PHF21B: variants seen among roughly 807,000 people sequenced by gnomAD.
The protein encoded by PHF21B is PHD finger protein 4.
PHF21B carries 22 observed loss-of-function variants against 62.2 expected under a neutral mutation model. The observed-to-expected ratio is 0.35, with a 90% confidence interval of 0.25 to 0.51. The LOEUF (loss-of-function observed/expected upper bound fraction) is 0.51, where lower values mean the gene tolerates loss of function less well. PHF21B is among the 20% of genes least tolerant of loss of function. The pLI is 0.97. For synonymous variants in PHF21B, 341 were observed against 314.7 expected, an observed-to-expected ratio of 1.08 and a Z score of -0.88; for missense variants, 701 against 707.9, an observed-to-expected ratio of 0.99 and a Z score of 0.11.
At chr22:44,893,258 G>A (rs1028855030) in intron 7 of PHF21B, among the ~76,000 whole-genome samples, 199 bp downstream of exon 7, 5 of 152,174 alleles carry the variant, frequency 3.3e-5, no homozygotes, top group Non-Finnish European at 5.9e-5. Flanking sequence ...CTCCTCTTCC[G>A]CATCTTCCTA....
At chr22:44,933,572 G>A (rs1041789452) in intron 2 of PHF21B, 1 of 980,246 alleles carries the variant, frequency 1.0e-6, no homozygotes, top group South Asian at 4.7e-5. Context: ...CAACTCAACG[G>A]AAGTGCACGG....
intron 2 of PHF21B, chr22:44,989,363 T>C (rs1242220770): frequency 6.6e-6 from 1 of 152,164 alleles, no homozygotes; most frequent in Non-Finnish European, 1.5e-5. Flanking sequence ...GTGGGTGCCC[T>C]GGAAAAGGCC....
chr22:44,933,678 A>G (rs1368817319), intron 2 of PHF21B, among the ~76,000 whole-genome samples: 1 of 152,088 alleles, frequency 6.6e-6, no homozygotes, highest in African/African-American at 2.4e-5. Flanking sequence ...CATCTCCACC[A>G]TTCCAGGAGA....
At chr22:44,933,277 A>G (rs2147344255) in intron 2 of PHF21B, among the ~76,000 whole-genome samples, 1 of 152,056 alleles carries the variant, frequency 6.6e-6, no homozygotes, top group Non-Finnish European at 1.5e-5. Flanking sequence ...ACGCCTGGCT[A>G]ATTTTGTATT....
intron 2 of PHF21B, among the ~76,000 whole-genome samples, chr22:44,982,980 A>C (rs1345013073): frequency 6.6e-6 from 1 of 152,180 alleles, no homozygotes; most frequent in Non-Finnish European, 1.5e-5. Flanking sequence ...GCGGTGGCTC[A>C]TGCCTGTAAT....
chr22:44,950,575 GTTTTT>G (rs975377106), intron 2 of PHF21B, among the ~76,000 whole-genome samples: 2 of 147,034 alleles, frequency 1.4e-5, no homozygotes, highest in Non-Finnish European at 3.0e-5. Flanking sequence ...TCGTGTTCGT[GTTTTT>G]TTTTTTCTTT....
intron 2 of PHF21B, among the ~76,000 whole-genome samples, chr22:44,921,367 T>TCTC (rs945855164): frequency 2.4e-4 from 36 of 151,918 alleles, no homozygotes; most frequent in Non-Finnish European, 3.8e-4. Flanking sequence ...TTCTTTTTTT[T>TCTC]TTTCTTTTTT....
chr22:44,959,334 C>T lies in PHF21B; in HGVS notation c.121-38844G>A, dbSNP rs1039458797. Among the ~76,000 whole-genome samples, 125 of 152,328 alleles carry T rather than the reference C, an allele frequency of 8.2e-4. 1 individual carries two copies. Among genetic ancestry groups the T allele is most frequent in the Non-Finnish European group, 2.4e-4 (16 of 68,036 alleles). Reference sequence around the variant, plus strand: ...CACTTTGTGATTCACGCCTTAACTACGGGACTTATCACATTTCTGGGCCTC... The same window carrying T: ...CACTTTGTGATTCACGCCTTAACTATGGGACTTATCACATTTCTGGGCCTC... On this transcript the variant is annotated intron_variant, in intron 2 of 12. Transcript: ENST00000313237.
intron 2 of PHF21B, among the ~76,000 whole-genome samples, chr22:44,995,092 G>A (rs959894466): frequency 6.6e-6 from 1 of 152,242 alleles, no homozygotes; most frequent in Non-Finnish European, 1.5e-5. Flanking sequence ...CCTTGGGGAA[G>A]TGGGTGGGTA....
chr22:44,904,214 C>T (rs921937670), intron 5 of PHF21B, among the ~76,000 whole-genome samples: 8 of 152,190 alleles, frequency 5.3e-5, no homozygotes, highest in African/African-American at 1.9e-4. Context: ...TTCTAACTCC[C>T]TCTAAAACAT....
intron 2 of PHF21B, among the ~76,000 whole-genome samples, chr22:44,975,744 G>A (rs1470161605): frequency 6.6e-6 from 1 of 152,260 alleles, no homozygotes; most frequent in Non-Finnish European, 1.5e-5. Context: ...CCGTGGTGCT[G>A]AACCAGCAGG....
Position 44,917,396 on chromosome 22 carries a change from AGT to A in PHF21B, c.214-768_214-767del, listed in dbSNP as rs564872174. On this transcript the variant is annotated intron_variant, in intron 3 of 12. Coordinates refer to ENST00000313237, the MANE Select transcript of PHF21B (RefSeq NM_138415.5). ...TCACCAGCACCCCCACACCCAGCAG[AGT>A]GTTTCTGATGGTGGAAATTCCCATC... Among the ~76,000 whole-genome samples the A allele has an allele frequency of 1.4e-4, 22 of 152,234 alleles. No homozygotes were observed. In the East Asian group the frequency reaches 4.3e-3, roughly 30 times the overall value.
intron 2 of PHF21B, among the ~76,000 whole-genome samples, chr22:44,992,374 C>A (rs553322519): frequency 6.6e-6 from 1 of 152,322 alleles, no homozygotes; most frequent in East Asian, 1.9e-4. Flanking sequence ...AATGCCAGGG[C>A]GACCAGAGTG....
intron 2 of PHF21B, among the ~76,000 whole-genome samples, chr22:44,952,036 T>C (rs1354741885): frequency 6.6e-6 from 1 of 152,204 alleles, no homozygotes; most frequent in Non-Finnish European, 1.5e-5. Context: ...CTGCGTGTTA[T>C]GTATACAATT....
chr22:44,948,954 C>T (rs2072135400), intron 2 of PHF21B, among the ~76,000 whole-genome samples: 1 of 152,226 alleles, frequency 6.6e-6, no homozygotes. Context: ...AGATCCATTC[C>T]TTCCCAGTTT....
At chr22:44,947,877 C>T (rs941748942) in intron 2 of PHF21B, among the ~76,000 whole-genome samples, 4 of 152,066 alleles carry the variant, frequency 2.6e-5, no homozygotes, top group Admixed American at 6.5e-5. Flanking sequence ...CAGCGATGTG[C>T]GCAGGTCTTA....
chr22:45,009,433 T>C lies in PHF21B; in HGVS notation c.54+63A>G. ...CGGAAGAGAGGATGCTGGGCTCGGGTCCCCCGACCCCCTCACCCCGCAACA... is the reference window on the plus strand; with the variant it reads ...CGGAAGAGAGGATGCTGGGCTCGGGCCCCCCGACCCCCTCACCCCGCAACA... On this transcript the variant is annotated intron_variant, in intron 1 of 12. Coordinates refer to ENST00000313237, the MANE Select transcript of PHF21B (RefSeq NM_138415.5). The surrounding 1 kb of genome is among the most constrained non-coding windows in gnomAD (Gnocchi z 5.9). 7.0e-7 allele frequency: 1 copy of C among 1,435,826 alleles called. No homozygotes were observed. The highest frequency in any genetic ancestry group is 1.3e-5 in the South Asian group (1 of 77,116). 88.9% of individuals were successfully genotyped at this position (1,435,826 alleles called of 1,614,324 possible). A position where few individuals can be genotyped will look rare whatever the true frequency, so the allele number is the denominator to read the frequency against.
chr22:44,910,727 G>A (rs544178486), intron 5 of PHF21B, among the ~76,000 whole-genome samples: 3 of 152,160 alleles, frequency 2.0e-5, no homozygotes, highest in Non-Finnish European at 4.4e-5. Context: ...AAATTGTCCT[G>A]TCTCAGGTAT....
At chr22:44,984,210 CAT>C in intron 2 of PHF21B, among the ~76,000 whole-genome samples, 1 of 147,694 alleles carries the variant, frequency 6.8e-6, no homozygotes. Context: ...CTACCACCAT[CAT>C]CACCACCACC....
Sources: allele counts gnomAD v4.1 joint callset (sites outside exome capture counted in the v4.1 genomes callset), GRCh38; gene constraint gnomAD v4.1.1; non-coding constraint Gnocchi (gnomAD v3.1); transcripts MANE v1.5; gene names NCBI Gene and HGNC (gene_info 2026-07-23, HGNC 2026-07-21).